The following ABCA1 variants were observed in gnomAD, a reference collection of about 807,000 sequenced individuals.
ABCA1 encodes the protein phospholipid-transporting ATPase ABCA1.
ABCA1 carries 133 observed loss-of-function variants against 262.5 expected under a neutral mutation model. The observed-to-expected ratio is 0.51, with a 90% confidence interval of 0.44 to 0.59. ABCA1 has a LOEUF of 0.59. ABCA1 is among the 20% of genes least tolerant of loss of function. The pLI is 0.00. For synonymous variants in ABCA1, 1,022 were observed against 1,043.5 expected (o/e 0.98, Z 0.40); for missense variants, 2,452 against 2,777.5 (o/e 0.88, Z 2.63).
chr9:104,794,049 C>T (rs1307576078), intron 40 of ABCA1, among the ~76,000 whole-genome samples: 2 of 152,196 alleles, frequency 1.3e-5, no homozygotes, highest in African/African-American at 4.8e-5. Context: ...ATTCCCTGAT[C>T]ACCTAATTCT....
At chr9:104,822,276 C>G (rs564879282) in intron 19 of ABCA1, among the ~76,000 whole-genome samples, 1 of 152,324 alleles carries the variant, frequency 6.6e-6, no homozygotes, top group East Asian at 1.9e-4. Context: ...TGGGAAAGGT[C>G]ATCTGAGGCC....
In ABCA1 at chr9:104,831,616, A is replaced by C; in HGVS notation, c.1715+6T>G. On this transcript the variant is annotated splice_donor_region_variant and intron_variant, in intron 13 of 49. Transcript: ENST00000374736. ...GACCAGGCTGGTGTGATGGGATTCCACTTACCCATCCTTGATTTTATTTGT... is the reference window on the plus strand; with the variant it reads ...GACCAGGCTGGTGTGATGGGATTCCCCTTACCCATCCTTGATTTTATTTGT... 6.2e-7 allele frequency: 1 copy of C among 1,610,876 alleles called. No homozygotes were observed. Among genetic ancestry groups the C allele is most frequent in the Non-Finnish European group, 8.5e-7 (1 of 1,177,608 alleles).
At chr9:104,862,102 T>C (rs2487060) in intron 5 of ABCA1, among the ~76,000 whole-genome samples, 20,378 of 149,746 alleles carry the variant, frequency 0.14, 1,572 homozygotes, top group African/African-American at 0.2. Context: ...CCTTTCCTTT[T>C]CTTTTTTTTT....
intron 2 of ABCA1, among the ~76,000 whole-genome samples, chr9:104,890,496 G>A (rs1006381123): frequency 6.6e-6 from 1 of 152,030 alleles, no homozygotes; most frequent in African/African-American, 2.4e-5. Context: ...CAAGAGAATC[G>A]CTTGAACCCA....
At position 104,793,275 on chromosome 9, in the gene ABCA1, T is replaced by C. The variant is rs372007396; in HGVS notation, c.5532A>G (p.Leu1844=). 1.9e-6 allele frequency: 3 copies of C among 1,613,932 alleles called. No individual in the cohort carries two copies. In the African/African-American group the frequency reaches 4.0e-5, roughly 22 times the overall value. The change falls in exon 41 of 50, where the codon TTA becomes TTG. Residue 1844 remains leucine (L), a synonymous_variant. Coordinates refer to ENST00000374736, the MANE Select transcript of ABCA1 (RefSeq NM_005502.4). ...RFGENRFVSP[L]SWDLVGRNLF... is the part of the protein sequence containing the mutation. The stretch of plus-strand genomic sequence containing the variant: ...GGTTTCGTCCCACCAAGTCCCAAGA[T>C]AATGGTGACACAAAGCGATTCTCCC...
At chr9:104,892,974 C>A (rs1430868246) in intron 2 of ABCA1, among the ~76,000 whole-genome samples, 1 of 152,126 alleles carries the variant, frequency 6.6e-6, no homozygotes, top group Non-Finnish European at 1.5e-5. Context: ...TTATGAAACA[C>A]AGAAATCATT....
At chr9:104,883,245 C>T (rs890276397) in intron 4 of ABCA1, 88 bp from the exon 5 acceptor site, 1 of 1,153,030 alleles carries the variant, frequency 8.7e-7, no homozygotes, top group African/African-American at 1.5e-5. Context: ...GTGCATAGAA[C>T]TCAGCCTGGC....
intron 6 of ABCA1, among the ~76,000 whole-genome samples, chr9:104,859,635 A>C (rs1419652885): frequency 6.6e-6 from 1 of 152,234 alleles, no homozygotes; most frequent in Non-Finnish European, 1.5e-5. Context: ...TTGGCCTACC[A>C]TGATTCCCAT....
intron 37 of ABCA1, 24 bp from the exon 38 acceptor site, chr9:104,796,448 C>T (rs778033953): frequency 5.1e-6 from 8 of 1,569,550 alleles, no homozygotes; most frequent in Non-Finnish European, 7.0e-6. Context: ...CAAAGACATC[C>T]AGTTCACCCC....
intron 1 of ABCA1, among the ~76,000 whole-genome samples, chr9:104,905,647 G>C (rs1480423065): frequency 6.6e-6 from 1 of 152,196 alleles, no homozygotes. Flanking sequence ...CTGGCAACCA[G>C]AGCAGCATTG....
intron 5 of ABCA1, among the ~76,000 whole-genome samples, chr9:104,877,997 G>A (rs964201590): frequency 1.3e-5 from 2 of 152,144 alleles, no homozygotes; most frequent in Non-Finnish European, 2.9e-5. Flanking sequence ...GCAATTGGAT[G>A]TGGGTTAAAA....
chr9:104,900,261 G>A (rs986937013), intron 2 of ABCA1, among the ~76,000 whole-genome samples: 3 of 152,130 alleles, frequency 2.0e-5, no homozygotes, highest in African/African-American at 7.2e-5. Context: ...TAGTGCAAGG[G>A]AGCCTCCTCA....
intron 7 of ABCA1, among the ~76,000 whole-genome samples, chr9:104,857,071 G>A (rs141455758): frequency 1.1e-3 from 175 of 152,234 alleles, no homozygotes; most frequent in African/African-American, 4.0e-3. Flanking sequence ...TTGGGAGGCC[G>A]AGGTGGGCAG....
chr9:104,813,413 C>CT (rs1049985314), intron 27 of ABCA1, among the ~76,000 whole-genome samples: 1 of 151,512 alleles, frequency 6.6e-6, no homozygotes, highest in Non-Finnish European at 1.5e-5. Flanking sequence ...ATATCTAATT[C>CT]TTTTTTTTTC....
intron 36 of ABCA1, among the ~76,000 whole-genome samples, chr9:104,799,211 T>C (rs575986849): frequency 2.0e-5 from 3 of 152,262 alleles, no homozygotes; most frequent in African/African-American, 7.2e-5. Context: ...ATGCTCCACA[T>C]ACAGGAAAGG....
chr9:104,856,238 T>A (rs1835829187), intron 7 of ABCA1: 1 of 1,337,822 alleles, frequency 7.5e-7, no homozygotes, highest in African/African-American at 1.5e-5. Context: ...AGTCATTTCA[T>A]CCTAAAGCCT....
chr9:104,788,095 G>A (rs1196799977), intron 45 of ABCA1, 41 bp from the exon 46 acceptor site: 1 of 1,598,256 alleles, frequency 6.3e-7, no homozygotes, highest in Non-Finnish European at 8.6e-7. Flanking sequence ...TCTGGCTTGG[G>A]AATTTTATCA....
At chr9:104,845,210 G>A (rs1276589993) in intron 8 of ABCA1, among the ~76,000 whole-genome samples, 4 of 152,012 alleles carry the variant, frequency 2.6e-5, no homozygotes, top group Non-Finnish European at 5.9e-5. Flanking sequence ...TTACCTAGGG[G>A]CAAAAAGAAA....
At chr9:104,905,823 C>T (rs992161282) in intron 1 of ABCA1, among the ~76,000 whole-genome samples, 1 of 152,178 alleles carries the variant, frequency 6.6e-6, no homozygotes, top group African/African-American at 2.4e-5. Context: ...TTGAAATCCC[C>T]AAGGTAACAA....
Sources: allele counts gnomAD v4.1 joint callset (sites outside exome capture counted in the v4.1 genomes callset), GRCh38; gene constraint gnomAD v4.1.1; transcripts MANE v1.5; gene names NCBI Gene and HGNC (gene_info 2026-07-23, HGNC 2026-07-21).